The following GALNTL6 variants were observed in gnomAD, a reference collection of about 807,000 sequenced individuals.
GALNTL6 encodes the protein polypeptide N-acetylgalactosaminyltransferase like 6.
In GALNTL6, 46 loss-of-function variants were observed where a neutral mutation model predicts 73.7. The observed-to-expected ratio is 0.62, with a 90% CI of 0.49 to 0.80. GALNTL6 has a LOEUF of 0.80. Among genes scored for constraint, GALNTL6 ranks in the 30% least tolerant of loss-of-function variants. The pLI, the probability that GALNTL6 is intolerant of heterozygous loss-of-function variation, is 0.00. For missense variants in GALNTL6, 604 were observed against 755.0 expected, an observed-to-expected ratio of 0.80 and a Z score of 2.34; for synonymous variants, 259 against 263.7, an observed-to-expected ratio of 0.98 and a Z score of 0.17.
chr4:171,853,917 A>T (rs765504653), intron 2 of GALNTL6, among the ~76,000 whole-genome samples: 1 of 151,894 alleles, frequency 6.6e-6, no homozygotes, highest in African/African-American at 2.4e-5. Context: ...TGGCCTATTT[A>T]GCCACTCTTC....
At chr4:172,404,287 A>G (rs1385621833) in intron 5 of GALNTL6, among the ~76,000 whole-genome samples, 1 of 151,998 alleles carries the variant, frequency 6.6e-6, no homozygotes, top group East Asian at 1.9e-4. Context: ...TTACAACTCT[A>G]AAGGGTAGAG....
At chr4:171,969,755 C>T (rs1234645875) in intron 2 of GALNTL6, among the ~76,000 whole-genome samples, 1 of 145,334 alleles carries the variant, frequency 6.9e-6, no homozygotes, top group Admixed American at 6.9e-5. Flanking sequence ...CATATGATAA[C>T]AACTCCAAAC....
rs182626136 is a variant in GALNTL6, at chr4:172,625,351, C to T, written c.554-184010C>T. ...TAATGCCCTTGAGCTGCATCCAGGT[C>T]GCTGCAGAGGACATGGTTTCATTAT... is the stretch of plus-strand genomic sequence containing the variant. On this transcript the variant is annotated intron_variant, in intron 5 of 12. Coordinates refer to ENST00000506823, the MANE Select transcript of GALNTL6 (RefSeq NM_001034845.3). Among the ~76,000 whole-genome samples the T allele has an allele frequency of 1.1e-4, 17 of 152,088 alleles. No homozygotes were observed. The East Asian group carries it at 1.4e-3, about 12-fold the overall frequency.
At chr4:171,905,289 G>A (rs1332545269) in intron 2 of GALNTL6, among the ~76,000 whole-genome samples, 1 of 151,970 alleles carries the variant, frequency 6.6e-6, no homozygotes, top group East Asian at 1.9e-4. Context: ...AAAATAAAAG[G>A]ATGGAGGAAG....
intron 8 of GALNTL6, among the ~76,000 whole-genome samples, chr4:172,885,226 T>C (rs1316769168): frequency 6.6e-6 from 1 of 152,102 alleles, no homozygotes; most frequent in African/African-American, 2.4e-5. Context: ...GTAGATATTT[T>C]AACAGTATTA....
At chr4:172,345,409 T>C (rs1255256083) in intron 4 of GALNTL6, among the ~76,000 whole-genome samples, 1 of 152,196 alleles carries the variant, frequency 6.6e-6, no homozygotes, top group Non-Finnish European at 1.5e-5. Flanking sequence ...TTGATAGTTG[T>C]GTTTCATAGG....
In GALNTL6 at chr4:172,311,752, A is replaced by C. The variant is rs1174724720; in HGVS notation, c.386A>C (p.Asn129Thr). 1 of 1,585,378 alleles carries C rather than the reference A, an allele frequency of 6.3e-7. No homozygotes were observed. Among genetic ancestry groups the C allele is most frequent in the Non-Finnish European group, 8.6e-7 (1 of 1,163,412 alleles). The stretch of plus-strand genomic sequence containing the variant: ...TCTCTGCCAGATATTCGTCATGCTA[A>C]GTGAGTATCAGCATATCAGTGATCA... ...ERSLPDIRHA[N>T]CKHKMYLERL... The change falls in exon 4 of 13, where the codon AAC becomes ACC. Residue 129 changes from asparagine to threonine, a missense_variant and splice_region_variant. Asn to Thr is a moderately conservative substitution (Grantham distance 65). Coordinates refer to ENST00000506823, the MANE Select transcript of GALNTL6 (RefSeq NM_001034845.3).
intron 5 of GALNTL6, among the ~76,000 whole-genome samples, chr4:172,726,208 T>G (rs575296491): frequency 6.6e-6 from 1 of 152,308 alleles, no homozygotes; most frequent in Non-Finnish European, 1.5e-5. Flanking sequence ...TCGCCATTTA[T>G]TCAGTGACTA....
At chr4:172,787,497 G>C (rs1428971386) in intron 5 of GALNTL6, among the ~76,000 whole-genome samples, 1 of 152,182 alleles carries the variant, frequency 6.6e-6, no homozygotes, top group Non-Finnish European at 1.5e-5. Flanking sequence ...CTTTGAGAAA[G>C]CCTGGAATAA....
chr4:172,266,205 G>A (rs1277221085), intron 3 of GALNTL6: 2 of 152,338 alleles, frequency 1.3e-5, no homozygotes, highest in East Asian at 1.9e-4. Flanking sequence ...AGCCTGAGCA[G>A]GAGCAGTGAA....
intron 10 of GALNTL6, among the ~76,000 whole-genome samples, chr4:172,998,989 T>TAA (rs5864178): frequency 7.3e-6 from 1 of 137,832 alleles, no homozygotes; most frequent in Non-Finnish European, 1.6e-5. Context: ...ATTTTAATAT[T>TAA]AAAAAAAAAA....
chr4:171,986,948 C>G (rs372101637), intron 2 of GALNTL6, among the ~76,000 whole-genome samples: 6 of 152,048 alleles, frequency 3.9e-5, no homozygotes, highest in African/African-American at 1.4e-4. Flanking sequence ...CAGTGTAAAC[C>G]GGCAGTGTAA....
chr4:172,984,471 C>T (rs1209139368), intron 10 of GALNTL6, among the ~76,000 whole-genome samples: 1 of 152,218 alleles, frequency 6.6e-6, no homozygotes, highest in East Asian at 1.9e-4. Context: ...GGGATTATTA[C>T]AATCAATTCA....
At chr4:171,990,010 A>T (rs9993726) in intron 2 of GALNTL6, among the ~76,000 whole-genome samples, 139,274 of 152,152 alleles carry the variant, frequency 0.92, 64,366 homozygotes, top group South Asian at 0.98. Context: ...GGAAGGAAAC[A>T]GTAAGCTGGA....
intron 2 of GALNTL6, among the ~76,000 whole-genome samples, chr4:171,906,689 C>CA (rs1281270262): frequency 6.6e-6 from 1 of 151,910 alleles, no homozygotes; most frequent in African/African-American, 2.4e-5. Context: ...GAGACACAAC[C>CA]AAAAAAGAGA....
chr4:172,280,931 T>A lies in GALNTL6; in HGVS notation c.248-30683T>A, dbSNP rs867265600. ...ATCCCAGCACTTTGGGAGGCCAAGG[T>A]GGGTGGATCACGAGGTCAGGAGATC... On this transcript the variant is annotated intron_variant, in intron 3 of 12. Coordinates refer to ENST00000506823, the MANE Select transcript of GALNTL6 (RefSeq NM_001034845.3). 1.0e-4 allele frequency among the ~76,000 whole-genome samples: 15 copies of A among 149,438 alleles called. No homozygotes were observed. In the South Asian group the frequency reaches 1.3e-3, roughly 13 times the overall value.
intron 7 of GALNTL6, among the ~76,000 whole-genome samples, chr4:172,857,258 GGAAA>G (rs1744165967): frequency 6.6e-6 from 1 of 152,164 alleles, no homozygotes; most frequent in South Asian, 2.1e-4. Context: ...TGCATCCAAA[GGAAA>G]GAAGTGGGGA....
At chr4:172,357,303 C>T (rs1248626575) in intron 5 of GALNTL6, among the ~76,000 whole-genome samples, 2 of 152,122 alleles carry the variant, frequency 1.3e-5, no homozygotes, top group Admixed American at 6.6e-5. Flanking sequence ...TGGGCTGGCC[C>T]CTTGTGGGAC....
intron 2 of GALNTL6, among the ~76,000 whole-genome samples, chr4:171,983,022 G>A (rs944675939): frequency 6.6e-6 from 1 of 151,556 alleles, no homozygotes; most frequent in Non-Finnish European, 1.5e-5. Flanking sequence ...TTTCCTCCTT[G>A]CACTTTCTCT....
Sources: allele counts gnomAD v4.1 joint callset (sites outside exome capture counted in the v4.1 genomes callset), GRCh38; gene constraint gnomAD v4.1.1; transcripts MANE v1.5; gene names NCBI Gene and HGNC (gene_info 2026-07-23, HGNC 2026-07-21).